Variants in INSL6 observed in about 807,000 individuals in gnomAD.
INSL6 encodes the protein insulin like 6.
INSL6 carries 16 observed loss-of-function variants against 9.4 expected under a neutral mutation model. That is an observed-to-expected ratio of 1.70 (90% confidence interval 1.15 to 2.59). INSL6 has a LOEUF of 2.59. Among genes scored for constraint, INSL6 ranks in the 30% most tolerant of loss-of-function variants. INSL6 has a pLI of 0.00. For missense variants in INSL6, 391 were observed against 257.3 expected, an observed-to-expected ratio of 1.52 and a Z score of -3.56; for synonymous variants, 154 against 96.9, an observed-to-expected ratio of 1.59 and a Z score of -3.46.
chr9:5,032,010 T>A, the INSL6 span, among the ~76,000 whole-genome samples: 8 of 152,300 alleles, frequency 5.3e-5, no homozygotes, highest in Admixed American at 3.9e-4. Context: ...CCTTTCCTAG[T>A]CAAAGAAAGG....
intron 1 of INSL6, among the ~76,000 whole-genome samples, chr9:5,168,888 C>T (rs1825117091): frequency 1.3e-5 from 2 of 151,846 alleles, no homozygotes; most frequent in East Asian, 1.9e-4. Flanking sequence ...CAGTGGAAAC[C>T]CTACAAGCCA....
At chr9:5,073,594 T>C in the INSL6 span, 2 of 847,702 alleles carry the variant, frequency 2.4e-6, no homozygotes, top group South Asian at 1.5e-5. Context: ...ATAGTCATGC[T>C]GAAAGTAGGA....
At chr9:5,094,839 T>C in the INSL6 span, 3 of 152,162 alleles carry the variant, frequency 2.0e-5, no homozygotes, top group Admixed American at 6.5e-5. Context: ...CTCTGTACCA[T>C]AAATTTCATT....
In INSL6 at chr9:5,171,745, C is replaced by G. The variant is rs551937567; in HGVS notation, c.290-7480G>C. Among the ~76,000 whole-genome samples the G allele has an allele frequency of 1.9e-3, 291 of 152,130 alleles. 2 individuals carry two copies. Among genetic ancestry groups the G allele is most frequent in the African/African-American group, 6.6e-3 (272 of 41,492 alleles). On this transcript the variant is annotated intron_variant, in intron 1 of 1. Coordinates refer to ENST00000381641, the MANE Select transcript of INSL6 (RefSeq NM_007179.3). ...ATGAATGAACTCCTATTCACAATTG[C>G]TACAAAGAGAATATACCTATGAATA...
chr9:5,061,504 G>C, the INSL6 span, among the ~76,000 whole-genome samples: 26 of 152,272 alleles, frequency 1.7e-4, no homozygotes, highest in African/African-American at 6.0e-4. Context: ...TAAACCTCAT[G>C]AACCAACCTC....
chr9:5,083,009 C>G, the INSL6 span, among the ~76,000 whole-genome samples: 2 of 152,326 alleles, frequency 1.3e-5, no homozygotes, highest in Middle Eastern at 6.8e-3. Flanking sequence ...AACTGAAGAA[C>G]TTTTCAGAGG....
chr9:5,077,006 A>G, the INSL6 span, among the ~76,000 whole-genome samples: 1 of 152,030 alleles, frequency 6.6e-6, no homozygotes, highest in Non-Finnish European at 1.5e-5. Flanking sequence ...GAATTAAAAG[A>G]TTAAATGGAG....
At chr9:5,092,017 G>A in the INSL6 span, among the ~76,000 whole-genome samples, 2 of 152,074 alleles carry the variant, frequency 1.3e-5, no homozygotes, top group Non-Finnish European at 2.9e-5. Context: ...GCTGAACTGA[G>A]TTAATTCGGA....
chr9:5,031,688 A>C, the INSL6 span, among the ~76,000 whole-genome samples: 1 of 152,234 alleles, frequency 6.6e-6, no homozygotes, highest in South Asian at 2.1e-4. Flanking sequence ...AAAACAATAG[A>C]AAAAATCATA....
rs78279610 is a variant in INSL6, at chr9:5,181,135, C to T, written c.289+4179G>A. On this transcript the variant is annotated intron_variant, in intron 1 of 1. Coordinates refer to ENST00000381641, the MANE Select transcript of INSL6 (RefSeq NM_007179.3). The stretch of plus-strand genomic sequence containing the variant: ...CGGGTTCCCCTGATAATATTCCACG[C>T]ATCCCAAATAAAATTCCATGTGGAC... Among the ~76,000 whole-genome samples, 861 of 152,174 alleles carry T rather than the reference C, an allele frequency of 5.7e-3. 4 individuals are homozygous for T. Among genetic ancestry groups the T allele is most frequent in the African/African-American group, 0.019 (796 of 41,518 alleles).
the INSL6 span, chr9:5,098,880 G>C: frequency 3.9e-5 from 6 of 152,198 alleles, no homozygotes; most frequent in Admixed American, 3.3e-4. Flanking sequence ...ATTTTTAGTA[G>C]AGACGGGGTT....
chr9:5,025,126 C>A, the INSL6 span, among the ~76,000 whole-genome samples: 1 of 152,126 alleles, frequency 6.6e-6, no homozygotes, highest in East Asian at 1.9e-4. Flanking sequence ...TTCATTCTGA[C>A]AGTTTTTACT....
chr9:5,018,448 T>G, the INSL6 span, among the ~76,000 whole-genome samples: 2 of 152,270 alleles, frequency 1.3e-5, no homozygotes, highest in South Asian at 4.1e-4. Context: ...GTGATCCTTC[T>G]GCCTCAGCCT....
chr9:5,049,154 C>T, the INSL6 span, among the ~76,000 whole-genome samples: 1 of 152,116 alleles, frequency 6.6e-6, no homozygotes, highest in Admixed American at 6.5e-5. Context: ...TATTTCGTAT[C>T]TGAGCCATAC....
chr9:5,167,824 G>C (rs139075510), intron 1 of INSL6, among the ~76,000 whole-genome samples: 1 of 152,098 alleles, frequency 6.6e-6, no homozygotes, highest in African/African-American at 2.4e-5. Context: ...TGTTCTGCTG[G>C]CATCAGGTTA....
At chr9:5,005,449 A>C in the INSL6 span, among the ~76,000 whole-genome samples, 18 of 152,026 alleles carry the variant, frequency 1.2e-4, no homozygotes, top group African/African-American at 4.3e-4. Context: ...TGCTGTGTAC[A>C]AGTTTTTAAA....
At chr9:5,072,521 A>G in the INSL6 span, 1 of 1,596,826 alleles carries the variant, frequency 6.3e-7, no homozygotes, top group Non-Finnish European at 8.5e-7. Context: ...GCACTTTTAC[A>G]AAGATTTTTA....
At chr9:5,162,650 G>T (rs903359679), downstream of INSL6, among the ~76,000 whole-genome samples, 1 of 152,190 alleles carries the variant, frequency 6.6e-6, no homozygotes, top group Non-Finnish European at 1.5e-5. Flanking sequence ...TATCTACATG[G>T]GTAGCTCCCT....
intron 1 of INSL6, among the ~76,000 whole-genome samples, chr9:5,165,884 A>G (rs1475056430): frequency 3.9e-5 from 6 of 152,224 alleles, no homozygotes; most frequent in Non-Finnish European, 8.8e-5. Context: ...TCTCTACTGT[A>G]GAGCCAGCTC....
Sources: gnomAD v4.1 joint callset for allele counts (sites outside exome capture counted in the v4.1 genomes callset) on GRCh38, gnomAD v4.1.1 for gene constraint, MANE v1.5 for transcripts, NCBI Gene and HGNC (gene_info 2026-07-23, HGNC 2026-07-21) for gene names.